Variants in NRTN observed in about 807,000 individuals in gnomAD.
NRTN encodes prepro-neurturin.
A neutral mutation model predicts 7.5 loss-of-function variants in NRTN; 3 were observed. That is an observed-to-expected ratio of 0.40 (90% CI 0.18 to 1.03). The LOEUF (loss-of-function observed/expected upper bound fraction) is 1.03, where lower values mean the gene tolerates loss of function less well. Among genes scored for constraint, NRTN ranks in the 50% least tolerant of loss-of-function variants. The pLI is 0.34. For synonymous variants in NRTN, 157 were observed against 146.6 expected (o/e 1.07, Z -0.51); for missense variants, 310 against 307.0 (o/e 1.01, Z -0.07).
chr19:5,818,197 C>T (rs2057012155), intron 1 of NRTN, among the ~76,000 whole-genome samples: 2 of 152,122 alleles, frequency 1.3e-5, no homozygotes, highest in African/African-American at 4.8e-5. Context: ...CTCCTGACCT[C>T]AGGTGATCCA....
chr19:5,824,105 G>A lies in NRTN; in HGVS notation c.-61G>A, dbSNP rs1029199398. The A allele has an allele frequency of 2.1e-5, 34 of 1,594,608 alleles. No individual in the cohort carries two copies. Among genetic ancestry groups the A allele is most frequent in the Admixed American group, 3.3e-5 (2 of 59,938 alleles). On this transcript the variant is annotated 5_prime_UTR_variant, in exon 2 of 3. Coordinates refer to ENST00000303212, the MANE Select transcript of NRTN (RefSeq NM_004558.5). ...AGTCCTGGCCCAGCGCCCTGTGCCC[G>A]TTGGCTGCTGGAGGGACAGACGGGG...
Position 5,827,863 on chromosome 19 carries a change from G to C in NRTN, c.284G>C (p.Arg95Pro). 1.6e-6 allele frequency: 2 copies of C among 1,218,414 alleles called. No individual in the cohort carries two copies. The highest frequency in any genetic ancestry group is 1.0e-6 in the Non-Finnish European group (1 of 980,872). The allele number at this position is 1,218,414 out of a possible 1,614,324, so 75.5% of individuals were successfully genotyped here. The change falls in exon 3 of 3, where the codon CGT becomes CCT. Residue 95 changes from arginine to proline, a missense_variant. Coordinates refer to ENST00000303212, the MANE Select transcript of NRTN (RefSeq NM_004558.5). ...RRAGPRRRRA[R>P]ARLGARPCGL... ...GCGGGGCCCCGGCGGCGGCGCGCGC[G>C]TGCGCGGTTGGGGGCGCGGCCTTGC...
intron 1 of NRTN, among the ~76,000 whole-genome samples, chr19:5,810,587 C>T (rs1316028189): frequency 6.6e-6 from 1 of 152,006 alleles, no homozygotes; most frequent in Admixed American, 6.6e-5. Context: ...ATGGAATAGC[C>T]AACATTGCTG....
At chr19:5,807,853 C>A (rs2056978877) in intron 1 of NRTN, among the ~76,000 whole-genome samples, 1 of 152,192 alleles carries the variant, frequency 6.6e-6, no homozygotes, top group East Asian at 1.9e-4. Context: ...GAGGCCAAGG[C>A]AGGTGGATCC....
intron 1 of NRTN, among the ~76,000 whole-genome samples, 177 bp downstream of exon 1, chr19:5,805,628 G>A (rs1265080318): frequency 6.6e-6 from 1 of 151,974 alleles, no homozygotes; most frequent in African/African-American, 2.4e-5. Context: ...GTCAGCGCGT[G>A]GGGAGGGGCG....
chr19:5,822,451 G>A (rs998429968), intron 1 of NRTN, among the ~76,000 whole-genome samples: 1 of 152,242 alleles, frequency 6.6e-6, no homozygotes, highest in African/African-American at 2.4e-5. Flanking sequence ...GCTGGGGGCC[G>A]CGGGACGCTC....
At chr19:5,809,049 C>G (rs2056982326) in intron 1 of NRTN, among the ~76,000 whole-genome samples, 1 of 150,314 alleles carries the variant, frequency 6.7e-6, no homozygotes, top group Admixed American at 6.6e-5. Flanking sequence ...GCCACTGCGC[C>G]CGTCCAATGG....
chr19:5,828,096 G>A lies in NRTN; in HGVS notation c.517G>A (p.Glu173Lys). 1.3e-6 allele frequency: 2 copies of A among 1,497,922 alleles called. No individual in the cohort carries two copies. The highest frequency in any genetic ancestry group is 1.8e-6 in the Non-Finnish European group (2 of 1,131,216). The allele number at this position is 1,497,922 out of a possible 1,614,324, so 92.8% of individuals were successfully genotyped here. ...CTGCCGCCCGACGGCCTACGAGGAC[G>A]AGGTGTCCTTCCTGGACGCGCACAG... Reference protein sequence around the residue: ...PCCRPTAYEDEVSFLDAHSRY... With the variant: ...PCCRPTAYEDKVSFLDAHSRY... Residue 173 changes from glutamate to lysine, a missense_variant, in exon 3 of 3, where the codon GAG (glutamate) becomes AAG (lysine). Glu to Lys is a moderately conservative substitution (Grantham distance 56). Coordinates refer to ENST00000303212, the MANE Select transcript of NRTN (RefSeq NM_004558.5).
chr19:5,819,136 C>T (rs2057015110), intron 1 of NRTN, among the ~76,000 whole-genome samples: 1 of 152,220 alleles, frequency 6.6e-6, no homozygotes, highest in South Asian at 2.1e-4. Context: ...TGCCTGTCTC[C>T]CCCTCCTACC....
intron 1 of NRTN, among the ~76,000 whole-genome samples, 161 bp downstream of exon 1, chr19:5,805,612 C>T (rs1449349631): frequency 6.6e-6 from 1 of 150,874 alleles, no homozygotes. Flanking sequence ...GTCAGAGGGA[C>T]GACAGGTCAG....
chr19:5,812,730 A>T (rs1185262031), intron 1 of NRTN, among the ~76,000 whole-genome samples: 3 of 151,942 alleles, frequency 2.0e-5, no homozygotes, highest in Admixed American at 6.6e-5. Flanking sequence ...AGAGGCCCAG[A>T]CCCCTGGCCA....
intron 1 of NRTN, among the ~76,000 whole-genome samples, chr19:5,811,901 G>A (rs1024090391): frequency 1.3e-5 from 2 of 150,156 alleles, no homozygotes; most frequent in Admixed American, 6.7e-5. Flanking sequence ...GACAGAGTTC[G>A]CTCTGTTGCC....
At chr19:5,811,853 GTTA>G (rs549865175) in intron 1 of NRTN, among the ~76,000 whole-genome samples, 5 of 150,346 alleles carry the variant, frequency 3.3e-5, no homozygotes, top group Admixed American at 6.7e-5. Flanking sequence ...ACCCGGCCCA[GTTA>G]TTATTATTAT....
chr19:5,819,119 G>GGTTTCC (rs2057015031), intron 1 of NRTN, among the ~76,000 whole-genome samples: 1 of 152,198 alleles, frequency 6.6e-6, no homozygotes, highest in African/African-American at 2.4e-5. Flanking sequence ...GGCCCGGGTA[G>GGTTTCC]GTTTCCTGCC....
intron 1 of NRTN, among the ~76,000 whole-genome samples, chr19:5,819,987 C>T (rs1226950502): frequency 6.6e-6 from 1 of 152,078 alleles, no homozygotes; most frequent in East Asian, 1.9e-4. Context: ...GGGATGATGG[C>T]CAGGCACGGT....
At chr19:5,808,483 C>G (rs1353019993) in intron 1 of NRTN, among the ~76,000 whole-genome samples, 1 of 152,200 alleles carries the variant, frequency 6.6e-6, no homozygotes, top group African/African-American at 2.4e-5. Flanking sequence ...GTCTAAGAAG[C>G]TGGCACACAC....
Position 5,824,235 on chromosome 19 carries a change from C to G in NRTN, c.70C>G (p.Arg24Gly). Residue 24 changes from arginine (R) to glycine (G), a missense_variant, in exon 2 of 3, where the codon CGA (arginine) becomes GGA (glycine). Coordinates refer to ENST00000303212, the MANE Select transcript of NRTN (RefSeq NM_004558.5). ...CTCCGTGCTGTCCATCTGGATGTGT[C>G]GAGAGGGCCTGCTTCTCAGCCACCG... ...CSSVLSIWMC[R>G]EGLLLSHRLG... 6.2e-7 allele frequency: 1 copy of G among 1,612,340 alleles called. No individual in the cohort carries two copies. Among genetic ancestry groups the G allele is most frequent in the Non-Finnish European group, 8.5e-7 (1 of 1,179,912 alleles).
At chr19:5,827,724 C>A in intron 2 of NRTN, 25 bp from the exon 3 acceptor site, 1 of 1,175,042 alleles carries the variant, frequency 8.5e-7, no homozygotes. Context: ...CTGACCCCCC[C>A]TCCTTTCTCT....
At chr19:5,822,409 C>G (rs1396015901) in intron 1 of NRTN, among the ~76,000 whole-genome samples, 1 of 152,230 alleles carries the variant, frequency 6.6e-6, no homozygotes, top group Admixed American at 6.5e-5. Context: ...CCGCCCCACA[C>G]TAGGCAGCCG....
Sources: gnomAD v4.1 joint callset for allele counts (sites outside exome capture counted in the v4.1 genomes callset) on GRCh38, gnomAD v4.1.1 for gene constraint, MANE v1.5 for transcripts, NCBI Gene and HGNC (gene_info 2026-07-23, HGNC 2026-07-21) for gene names.